Variants in GABRB3 observed in about 807,000 individuals in gnomAD.
GABRB3 encodes the protein gamma-aminobutyric acid receptor subunit beta-3.
GABRB3 carries 14 observed loss-of-function variants against 52.1 expected under a neutral mutation model. The observed-to-expected ratio is 0.27, with a 90% CI of 0.18 to 0.42. The LOEUF (loss-of-function observed/expected upper bound fraction) is 0.42. Among genes scored for constraint, GABRB3 ranks in the 10% least tolerant of loss-of-function variants. The pLI is 1.00. For missense variants in GABRB3, 307 were observed against 609.1 expected (o/e 0.50, Z 5.22); for synonymous variants, 260 against 232.3 (o/e 1.12, Z -1.08).
intron 3 of GABRB3, among the ~76,000 whole-genome samples, chr15:26,754,893 G>A (rs754201032): frequency 1.3e-5 from 2 of 152,134 alleles, no homozygotes; most frequent in Non-Finnish European, 1.5e-5. Context: ...CCGAGGGGTC[G>A]AGGCTCGGCT....
chr15:26,692,356 C>T (rs1888613465), intron 3 of GABRB3, among the ~76,000 whole-genome samples: 1 of 152,080 alleles, frequency 6.6e-6, no homozygotes, highest in South Asian at 2.1e-4. Flanking sequence ...AGCTAAACTA[C>T]CTTTTCTTGG....
intron 8 of GABRB3, among the ~76,000 whole-genome samples, chr15:26,553,173 CAG>C: frequency 6.6e-6 from 1 of 152,070 alleles, no homozygotes; most frequent in Non-Finnish European, 1.5e-5. Context: ...TTTTTTGAGA[CAG>C]AGTCTCGCTC....
chr15:26,614,066 G>A (rs1892170913), intron 4 of GABRB3: 3 of 152,288 alleles, frequency 2.0e-5, no homozygotes, highest in African/African-American at 7.2e-5. Flanking sequence ...GCAAGGTCAG[G>A]ACTGCAGGAG....
intron 3 of GABRB3, among the ~76,000 whole-genome samples, chr15:26,654,829 G>A (rs1438353671): frequency 6.6e-6 from 1 of 151,838 alleles, no homozygotes; most frequent in Non-Finnish European, 1.5e-5. Context: ...TTTGGTTTTG[G>A]TTTTAGTTTT....
chr15:26,628,690 C>CA (rs990974294), intron 3 of GABRB3, among the ~76,000 whole-genome samples: 31 of 145,094 alleles, frequency 2.1e-4, no homozygotes, highest in Admixed American at 2.8e-4. Flanking sequence ...AACAAAAAAA[C>CA]AAAAAAACAA....
At chr15:26,758,635 C>A (rs561551676) in intron 3 of GABRB3, among the ~76,000 whole-genome samples, 1 of 152,098 alleles carries the variant, frequency 6.6e-6, no homozygotes, top group African/African-American at 2.4e-5. Flanking sequence ...CCAATGCCCA[C>A]GATCTATACC....
chr15:26,629,073 T>A, intron 3 of GABRB3: 2 of 1,536,046 alleles, frequency 1.3e-6, no homozygotes, highest in Non-Finnish European at 1.7e-6. Flanking sequence ...TCCGCCACGC[T>A]AACCGGAAGT....
At chr15:26,700,807 G>C (rs1281757028) in intron 3 of GABRB3, among the ~76,000 whole-genome samples, 1 of 152,212 alleles carries the variant, frequency 6.6e-6, no homozygotes, top group East Asian at 1.9e-4. Flanking sequence ...TGTAATCCCA[G>C]CACTCTGGGA....
intron 3 of GABRB3, among the ~76,000 whole-genome samples, chr15:26,751,407 G>A (rs1377156202): frequency 6.6e-6 from 1 of 152,098 alleles, no homozygotes; most frequent in East Asian, 1.9e-4. Flanking sequence ...TACAATTTCC[G>A]ACTCCTGAAA....
At chr15:26,687,377 A>G (rs1223225270) in intron 3 of GABRB3, among the ~76,000 whole-genome samples, 1 of 152,216 alleles carries the variant, frequency 6.6e-6, no homozygotes, top group Non-Finnish European at 1.5e-5. Context: ...GTAACTGCAT[A>G]CAGATGCAAC....
At chr15:26,638,547 A>G (rs1403285484) in intron 3 of GABRB3, among the ~76,000 whole-genome samples, 2 of 152,306 alleles carry the variant, frequency 1.3e-5, no homozygotes, top group East Asian at 3.9e-4. Flanking sequence ...CTGAGTGCCA[A>G]TCCCTTATCC....
At chr15:26,634,346 C>T (rs758056243) in intron 3 of GABRB3, among the ~76,000 whole-genome samples, 14 of 152,236 alleles carry the variant, frequency 9.2e-5, no homozygotes, top group African/African-American at 1.9e-4. Flanking sequence ...CGCCCACTCA[C>T]GCAACCCAAC....
At chr15:26,680,179 G>A (rs1028406927) in intron 3 of GABRB3, among the ~76,000 whole-genome samples, 4 of 152,238 alleles carry the variant, frequency 2.6e-5, no homozygotes, top group Non-Finnish European at 5.9e-5. Context: ...AAGACTGCCT[G>A]TAGACTAAGG....
chr15:26,565,134 T>C (rs1020150463), intron 7 of GABRB3, among the ~76,000 whole-genome samples: 1 of 151,972 alleles, frequency 6.6e-6, no homozygotes, highest in African/African-American at 2.4e-5. Context: ...AACTATGTGA[T>C]AATTTTCAGC....
chr15:26,653,172 C>A (rs1425952724), intron 3 of GABRB3, among the ~76,000 whole-genome samples: 2 of 152,158 alleles, frequency 1.3e-5, no homozygotes, highest in South Asian at 4.1e-4. Context: ...AACAAACCCC[C>A]TTCTTGCCTG....
intron 3 of GABRB3, among the ~76,000 whole-genome samples, chr15:26,703,039 T>C (rs1048223633): frequency 6.6e-6 from 1 of 152,136 alleles, no homozygotes; most frequent in Non-Finnish European, 1.5e-5. Flanking sequence ...GAAATCTTTC[T>C]CCAGTCTCTT....
intron 4 of GABRB3, among the ~76,000 whole-genome samples, chr15:26,611,667 A>AT (rs1486864892): frequency 2.0e-5 from 3 of 152,082 alleles, no homozygotes; most frequent in Non-Finnish European, 2.9e-5. Context: ...GGCATATGTA[A>AT]TTTTTTTTGT....
intron 3 of GABRB3, among the ~76,000 whole-genome samples, chr15:26,696,595 T>C (rs1177884125): frequency 6.6e-6 from 1 of 152,104 alleles, no homozygotes; most frequent in African/African-American, 2.4e-5. Context: ...CTGTATACAC[T>C]CTTAGCTTGA....
At chr15:26,623,746 T>C (rs1892575900) in intron 3 of GABRB3, among the ~76,000 whole-genome samples, 1 of 152,070 alleles carries the variant, frequency 6.6e-6, no homozygotes, top group Non-Finnish European at 1.5e-5. Flanking sequence ...CCCAAGGGCC[T>C]GAAATTATTT....
Sources: gnomAD v4.1 joint callset for allele counts (sites outside exome capture counted in the v4.1 genomes callset) on GRCh38, gnomAD v4.1.1 for gene constraint, MANE v1.5 for transcripts, NCBI Gene and HGNC (gene_info 2026-07-23, HGNC 2026-07-21) for gene names.